Variants in PLA2G4A observed in about 807,000 individuals in gnomAD.
PLA2G4A encodes the protein phospholipase A2 group IVA, also known as cytosolic phospholipase A2.
PLA2G4A carries 40 observed loss-of-function variants against 81.9 expected under a neutral mutation model. The ratio of observed to expected loss-of-function variants is 0.49; its 90% CI spans 0.38 to 0.64. PLA2G4A has a LOEUF of 0.64. Among genes scored for constraint, PLA2G4A ranks in the 30% least tolerant of loss-of-function variants. The pLI, the probability that PLA2G4A is intolerant of heterozygous loss-of-function variation, is 0.00. For synonymous variants in PLA2G4A, 302 were observed against 296.9 expected, an observed-to-expected ratio of 1.02 and a Z score of -0.18; for missense variants, 715 against 905.1, an observed-to-expected ratio of 0.79 and a Z score of 2.69.
chr1:186,830,321 AT>A (rs1189554501), intron 1 of PLA2G4A, among the ~76,000 whole-genome samples: 4 of 152,130 alleles, frequency 2.6e-5, no homozygotes, highest in Non-Finnish European at 5.9e-5. Context: ...AAAGTAAGTT[AT>A]TCTGGCTGGG....
In PLA2G4A at chr1:186,830,949, GCTTGCTTGCTTTCTTTCTTT is replaced by G. The variant is rs1227816568; in HGVS notation, c.-70+1918_-70+1937del. Among the ~76,000 whole-genome samples the G allele has an allele frequency of 6.0e-3, 268 of 44,888 alleles. 1 individual carries two copies. Among genetic ancestry groups the G allele is most frequent in the East Asian group, 0.023 (26 of 1,126 alleles). 29.4% of individuals were successfully genotyped at this position (44,888 alleles called of 152,430 possible). ...TCCAGATTGTATAGCTTGCTTGCTT[GCTTGCTTGCTTTCTTTCTTT>G]CTTTCTTTCTTTCTTTCTTTCTTTC... On this transcript the variant is annotated intron_variant, in intron 1 of 17. Transcript: ENST00000367466.
intron 5 of PLA2G4A, among the ~76,000 whole-genome samples, chr1:186,897,807 C>T (rs904175077): frequency 6.6e-6 from 1 of 152,128 alleles, no homozygotes; most frequent in Non-Finnish European, 1.5e-5. Context: ...CCACACCCAG[C>T]CTGTTTTATT....
At chr1:186,872,096 G>A (rs1653294763) in intron 3 of PLA2G4A, among the ~76,000 whole-genome samples, 1 of 152,054 alleles carries the variant, frequency 6.6e-6, no homozygotes, top group African/African-American at 2.4e-5. Context: ...GACAGGTGAG[G>A]AGAGCAATGG....
At chr1:186,988,269 C>A in intron 17 of PLA2G4A, 108 bp from the exon 18 acceptor site, 2 of 836,824 alleles carry the variant, frequency 2.4e-6, no homozygotes, top group Non-Finnish European at 3.7e-6. Flanking sequence ...TCATATATGT[C>A]AAAAGGAATA....
chr1:186,976,408 C>G (rs1657531429), intron 15 of PLA2G4A, among the ~76,000 whole-genome samples: 1 of 152,126 alleles, frequency 6.6e-6, no homozygotes, highest in Non-Finnish European at 1.5e-5. Context: ...CTCTTTTCTT[C>G]TCTTTACTGG....
intron 17 of PLA2G4A, among the ~76,000 whole-genome samples, chr1:186,981,755 A>T (rs1209926944): frequency 6.6e-6 from 1 of 152,186 alleles, no homozygotes; most frequent in Non-Finnish European, 1.5e-5. Context: ...TAACAATACC[A>T]TCAGGTTTTT....
At chr1:186,859,562 G>A (rs918124992) in intron 2 of PLA2G4A, among the ~76,000 whole-genome samples, 4 of 152,072 alleles carry the variant, frequency 2.6e-5, no homozygotes, top group African/African-American at 9.7e-5. Flanking sequence ...AGAAACTAAG[G>A]TTGTCTTCAC....
At chr1:186,972,258 G>C (rs1453035276) in intron 15 of PLA2G4A, among the ~76,000 whole-genome samples, 2 of 152,026 alleles carry the variant, frequency 1.3e-5, no homozygotes, top group African/African-American at 4.8e-5. Flanking sequence ...AACAAAAGCA[G>C]CTTTGTGTTT....
intron 3 of PLA2G4A, among the ~76,000 whole-genome samples, chr1:186,874,800 G>A (rs920651938): frequency 6.6e-6 from 1 of 151,976 alleles, no homozygotes; most frequent in South Asian, 2.1e-4. Flanking sequence ...TTATAAGATC[G>A]TATTAATATC....
intron 14 of PLA2G4A, among the ~76,000 whole-genome samples, chr1:186,959,572 A>C (rs1316816310): frequency 6.6e-6 from 1 of 152,192 alleles, no homozygotes; most frequent in Non-Finnish European, 1.5e-5. Flanking sequence ...GTCAGTTCAC[A>C]GATTCATTCA....
chr1:186,917,337 CTCTCCTAGTATAG>C (rs1434559997), intron 7 of PLA2G4A, among the ~76,000 whole-genome samples: 2 of 152,174 alleles, frequency 1.3e-5, no homozygotes, highest in Non-Finnish European at 2.9e-5. Context: ...TGCCTGGAAG[CTCTCCTAGTATAG>C]GAGGAGGCCT....
intron 10 of PLA2G4A, among the ~76,000 whole-genome samples, chr1:186,945,631 G>A (rs1656312781): frequency 6.6e-6 from 1 of 152,072 alleles, no homozygotes; most frequent in Non-Finnish European, 1.5e-5. Context: ...TTTTTCCTGT[G>A]TAAGCTATAA....
intron 5 of PLA2G4A, among the ~76,000 whole-genome samples, chr1:186,901,849 G>A (rs940747110): frequency 6.6e-6 from 1 of 152,150 alleles, no homozygotes; most frequent in Non-Finnish European, 1.5e-5. Context: ...TGTGGGTTTG[G>A]GGGGTGGACA....
At chr1:186,944,004 C>T (rs1245599888) in intron 10 of PLA2G4A, among the ~76,000 whole-genome samples, 1 of 151,988 alleles carries the variant, frequency 6.6e-6, no homozygotes, top group Non-Finnish European at 1.5e-5. Context: ...TGATAAGGCC[C>T]TGGAACTAGG....
chr1:186,912,706 T>TCATATATATGTATATTTATATATA (rs1654989688), intron 7 of PLA2G4A, among the ~76,000 whole-genome samples: 2 of 129,254 alleles, frequency 1.5e-5, no homozygotes, highest in South Asian at 2.2e-4. Flanking sequence ...ATTTACTTAT[T>TCATATATATGTATATTTATATATA]CATATATATG....
At chr1:186,922,844 G>A (rs979051017) in intron 7 of PLA2G4A, among the ~76,000 whole-genome samples, 4 of 152,232 alleles carry the variant, frequency 2.6e-5, no homozygotes, top group African/African-American at 7.2e-5. Flanking sequence ...CCACTTGAGT[G>A]GGTTGTGATC....
intron 2 of PLA2G4A, among the ~76,000 whole-genome samples, chr1:186,866,407 A>G (rs962992455): frequency 1.3e-5 from 2 of 152,188 alleles, no homozygotes; most frequent in Non-Finnish European, 2.9e-5. Flanking sequence ...ACCATTTACT[A>G]TCTATGAGTA....
chr1:186,954,908 T>C (rs983000846), intron 13 of PLA2G4A, among the ~76,000 whole-genome samples: 1 of 152,206 alleles, frequency 6.6e-6, no homozygotes, highest in Non-Finnish European at 1.5e-5. Flanking sequence ...CTAGTGTTTA[T>C]TAAGAATTTA....
intron 14 of PLA2G4A, among the ~76,000 whole-genome samples, chr1:186,963,591 C>T (rs1476993249): frequency 3.3e-5 from 5 of 152,186 alleles, no homozygotes; most frequent in Non-Finnish European, 5.9e-5. Flanking sequence ...TTATTCAAGA[C>T]CGTTATTCAC....
Sources: allele counts gnomAD v4.1 joint callset (sites outside exome capture counted in the v4.1 genomes callset), GRCh38; gene constraint gnomAD v4.1.1; transcripts MANE v1.5; gene names NCBI Gene and HGNC (gene_info 2026-07-23, HGNC 2026-07-21).